Variants in SNX22 observed in about 807,000 individuals in gnomAD.
SNX22 encodes the protein sorting nexin-22.
Under a neutral mutation model 24.7 loss-of-function variants are expected in SNX22, and 23 were observed. The ratio of observed to expected loss-of-function variants is 0.93; its 90% CI spans 0.67 to 1.32. SNX22 has a LOEUF of 1.32. Among genes scored for constraint, SNX22 ranks in the 40% most tolerant of loss-of-function variants. SNX22 has a pLI of 0.00. For synonymous variants in SNX22, 99 were observed against 104.0 expected (o/e 0.95, Z 0.29); for missense variants, 261 against 249.9 (o/e 1.04, Z -0.30).
Position 64,156,203 on chromosome 15 carries a change from G to A in SNX22, c.*1695G>A, listed in dbSNP as rs909768328. The A allele has an allele frequency of 1.9e-6, 3 of 1,607,176 alleles. No individual in the cohort carries two copies. Among genetic ancestry groups the A allele is most frequent in the African/African-American group, 2.7e-5 (2 of 74,812 alleles). ...GTGGATCAGGAGGTCCACCGCTCAG[G>A]AGAAAGGCCCCAGCGTATGGCTCAG... On this transcript the variant is annotated 3_prime_UTR_variant, in exon 7 of 7. Coordinates refer to ENST00000325881, the MANE Select transcript of SNX22 (RefSeq NM_024798.3). This position sits in a 1 kb window ranked among gnomAD's most constrained non-coding sequence, Gnocchi z 6.4.
Position 64,155,811 on chromosome 15 carries a change from A to C in SNX22, c.*1303A>C. ...GCAGGCTCAAGAACCAGGCCCACAC[A>C]TTATATATTAAAAAAAAAAAAACCC... On this transcript the variant is annotated 3_prime_UTR_variant, in exon 7 of 7. Transcript: ENST00000325881. The C allele has an allele frequency of 1.7e-6, 1 of 580,732 alleles. No individual in the cohort carries two copies. The highest frequency in any genetic ancestry group is 2.9e-6 in the Non-Finnish European group (1 of 349,056). 36.0% of individuals were successfully genotyped at this position (580,732 alleles called of 1,614,324 possible).
intron 4 of SNX22, 131 bp from the exon 5 acceptor site, chr15:64,153,521 G>A: frequency 6.6e-7 from 1 of 1,506,068 alleles, no homozygotes; most frequent in Non-Finnish European, 9.2e-7. Context: ...CGCCACCTCC[G>A]GAACTGGGGC....
At chr15:64,151,992 G>T (rs2081489535) in intron 1 of SNX22, 142 bp downstream of exon 1, 3 of 915,838 alleles carry the variant, frequency 3.3e-6, no homozygotes, top group Non-Finnish European at 4.6e-6. Context: ...CGAGGGTTTG[G>T]GGGCCGCTTG....
rs1370449963 is a variant in SNX22 at position 64,155,694 on chromosome 15, A to C, written c.*1186A>C. On this transcript the variant is annotated 3_prime_UTR_variant, in exon 7 of 7. Coordinates refer to ENST00000325881, the MANE Select transcript of SNX22 (RefSeq NM_024798.3). ...ACTTTTCCTGGGTAGCTCCTGGGTC[A>C]AAATTTCAGGCAGGATCCCAGGGAA... 3.0e-6 allele frequency: 1 copy of C among 338,958 alleles called. No homozygotes were observed. Among genetic ancestry groups the C allele is most frequent in the Non-Finnish European group, 5.7e-6 (1 of 176,944 alleles). 21.0% of individuals were successfully genotyped at this position (338,958 alleles called of 1,614,324 possible).
At chr15:64,153,601 C>G in intron 4 of SNX22, 51 bp from the exon 5 acceptor site, 1 of 1,612,568 alleles carries the variant, frequency 6.2e-7, no homozygotes. Flanking sequence ...ACCCCTTCCT[C>G]ACGCTCCCCC....
In SNX22 at chr15:64,154,151, G is replaced by A. The variant is rs184803613; in HGVS notation, c.460+149G>A. 4,089 of 1,587,152 alleles carry A rather than the reference G, an allele frequency of 2.6e-3. 10 individuals carry two copies. The highest frequency in any genetic ancestry group is 3.7e-3 in the Admixed American group (205 of 54,766). On this transcript the variant is annotated intron_variant, in intron 6 of 6. Coordinates refer to ENST00000325881, the MANE Select transcript of SNX22 (RefSeq NM_024798.3). The stretch of plus-strand genomic sequence containing the variant: ...CCTGTCCCCTGGAGCCTGCTTTGTA[G>A]ACACAAGGAAAACAAGTTTGGCTTC...
Position 64,154,432 on chromosome 15 carries a change from A to C in SNX22, c.506A>C (p.Tyr169Ser). ...GTGAATGGTGTGCTCCAGGGCCTCT[A>C]CAGCTTCAGCATCAGCCCAGATAAA... is the stretch of plus-strand genomic sequence containing the variant. ...VVVNGVLQGL[Y>S]SFSISPDKAQ... Residue 169 changes from tyrosine (Y) to serine (S), a missense_variant, in exon 7 of 7, where the codon TAC becomes TCC. Physicochemically the swap from Tyr to Ser is moderately radical, Grantham distance 144. Transcript: ENST00000325881. 6.2e-7 allele frequency: 1 copy of C among 1,614,116 alleles called. No individual in the cohort carries two copies. The highest frequency in any genetic ancestry group is 8.5e-7 in the Non-Finnish European group (1 of 1,180,000).
chr15:64,153,710 T>A, intron 5 of SNX22, 26 bp downstream of exon 5: 2 of 1,614,008 alleles, frequency 1.2e-6, no homozygotes, highest in South Asian at 2.2e-5. Context: ...AGCCCGCGCT[T>A]GGCCCCTGCT....
rs375272799 is a variant in SNX22, at chr15:64,152,707, G to A, written c.229G>A (p.Glu77Lys). 1.2e-6 allele frequency: 2 copies of A among 1,614,236 alleles called. No individual in the cohort carries two copies. The highest frequency in any genetic ancestry group is 1.7e-6 in the Non-Finnish European group (2 of 1,180,040). Reference protein sequence around the residue: ...RLPNWRTRGLEQRRQGLEAYI... With the variant: ...RLPNWRTRGLKQRRQGLEAYI... ...GCCCAACTGGAGGACCAGAGGGTTG[G>A]AACAGCGCCGGCAGGGCTTGGAGGC... Residue 77 changes from glutamate to lysine, a missense_variant, in exon 3 of 7, where the codon GAA becomes AAA. Coordinates refer to ENST00000325881, the MANE Select transcript of SNX22 (RefSeq NM_024798.3).
Position 64,156,919 on chromosome 15 carries a change from AAGAC to A in SNX22, c.*2415_*2418del, listed in dbSNP as rs778760386. 9 of 1,613,952 alleles carry A rather than the reference AAGAC, an allele frequency of 5.6e-6. No homozygotes were observed. The Middle Eastern group carries it at 5.0e-4, about 89-fold the overall frequency. On this transcript the variant is annotated 3_prime_UTR_variant, in exon 7 of 7. Coordinates refer to ENST00000325881, the MANE Select transcript of SNX22 (RefSeq NM_024798.3). The surrounding 1 kb of genome is among the most constrained non-coding windows in gnomAD (Gnocchi z 6.4). ...CCGTAGATGCTCTTTCCTGGGAAAA[AAGAC>A]AGAGCAGGTCAGGGGCGCTGGATTG...
intron 6 of SNX22, 91 bp downstream of exon 6, chr15:64,154,093 T>A: frequency 6.2e-7 from 1 of 1,612,538 alleles, no homozygotes; most frequent in Non-Finnish European, 8.5e-7. Context: ...ATCTCCTTCC[T>A]GCTGCCCACC....
At chr15:64,151,946 G>C in intron 1 of SNX22, 96 bp downstream of exon 1, 1 of 1,228,112 alleles carries the variant, frequency 8.1e-7, no homozygotes, top group South Asian at 1.5e-5. Context: ...CTGGGTGAAC[G>C]AGCGCTGCGG....
chr15:64,152,489 C>T (rs1383550381), intron 2 of SNX22, 149 bp from the exon 3 acceptor site: 4 of 1,182,388 alleles, frequency 3.4e-6, no homozygotes, highest in Non-Finnish European at 3.7e-6. Flanking sequence ...TGGGTTGGGG[C>T]CTTCCTCGCC....
Position 64,154,543 on chromosome 15 carries a change from G to A in SNX22, c.*35G>A. The A allele has an allele frequency of 6.2e-7, 1 of 1,611,498 alleles. No individual in the cohort carries two copies. Among genetic ancestry groups the A allele is most frequent in the Non-Finnish European group, 8.5e-7 (1 of 1,178,298 alleles). On this transcript the variant is annotated 3_prime_UTR_variant, in exon 7 of 7. Transcript: ENST00000325881. ...AGGCCTTTGGCTGCCTCCTAAGAAA[G>A]TCATGTGCCTCTGTCCTATGAACTC...
At position 64,156,878 on chromosome 15, in the gene SNX22, A is replaced by C. The variant is rs1460965375; in HGVS notation, c.*2370A>C. 1.2e-6 allele frequency: 2 copies of C among 1,614,044 alleles called. No homozygotes were observed. Among genetic ancestry groups the C allele is most frequent in the East Asian group, 4.5e-5 (2 of 44,892 alleles). On this transcript the variant is annotated 3_prime_UTR_variant, in exon 7 of 7. Coordinates refer to ENST00000325881, the MANE Select transcript of SNX22 (RefSeq NM_024798.3). The surrounding 1 kb of genome is among the most constrained non-coding windows in gnomAD (Gnocchi z 6.4). ...CGTAGTGCTTCAGTTTGAAGTTCTCATCGGGGAAGCGCTCACCGTAGATGC... is the reference window on the plus strand; with the variant it reads ...CGTAGTGCTTCAGTTTGAAGTTCTCCTCGGGGAAGCGCTCACCGTAGATGC...
chr15:64,154,213 C>T (rs1310347876), intron 6 of SNX22, 174 bp from the exon 7 acceptor site: 2 of 1,577,368 alleles, frequency 1.3e-6, no homozygotes, highest in East Asian at 4.6e-5. Context: ...GACTTCTTTA[C>T]CAAGCTGATG....
At chr15:64,152,811 T>TG (rs2081497267) in intron 3 of SNX22, 69 bp downstream of exon 3, 2 of 1,415,754 alleles carry the variant, frequency 1.4e-6, no homozygotes, top group African/African-American at 1.4e-5. Flanking sequence ...CAGAGAGGTG[T>TG]GGGGGCATGG....
At position 64,156,379 on chromosome 15, in the gene SNX22, G is replaced by C; in HGVS notation, c.*1871G>C. 1 of 654,350 alleles carries C rather than the reference G, an allele frequency of 1.5e-6. No individual in the cohort carries two copies. Among genetic ancestry groups the C allele is most frequent in the Non-Finnish European group, 2.7e-6 (1 of 371,576 alleles). 40.5% of individuals were successfully genotyped at this position (654,350 alleles called of 1,614,324 possible). ...AAGTAAGACCCAGGTTGGGCCAAGG[G>C]TGAGGAGGAGGAAGAGGGTGACCAG... On this transcript the variant is annotated 3_prime_UTR_variant, in exon 7 of 7. Transcript: ENST00000325881. The surrounding 1 kb of genome is among the most constrained non-coding windows in gnomAD (Gnocchi z 6.4).
Position 64,156,886 on chromosome 15 carries a change from A to G in SNX22, c.*2378A>G, listed in dbSNP as rs1370321804. On this transcript the variant is annotated 3_prime_UTR_variant, in exon 7 of 7. Transcript: ENST00000325881. The surrounding 1 kb of genome is among the most constrained non-coding windows in gnomAD (Gnocchi z 6.4). ...TTCAGTTTGAAGTTCTCATCGGGGA[A>G]GCGCTCACCGTAGATGCTCTTTCCT... is the stretch of plus-strand genomic sequence containing the variant. The G allele has an allele frequency of 6.2e-7, 1 of 1,614,144 alleles. No homozygotes were observed. The highest frequency in any genetic ancestry group is 2.2e-5 in the East Asian group (1 of 44,876).
Sources: gnomAD v4.1 joint callset for allele counts on GRCh38, gnomAD v4.1.1 for gene constraint, Gnocchi (gnomAD v3.1) non-coding constraint, MANE v1.5 for transcripts, NCBI Gene and HGNC (gene_info 2026-07-23, HGNC 2026-07-21) for gene names.